The following DEFB109B variants were observed in gnomAD, a reference collection of about 807,000 sequenced individuals.
DEFB109B encodes the protein defensin beta 109B, also known as beta-defensin 109B.
chr8:7,315,741 T>G (rs1802877827), intron 1 of DEFB109B, among the ~76,000 whole-genome samples: 1 of 142,198 alleles, frequency 7.0e-6, no homozygotes, highest in Admixed American at 6.7e-5. Flanking sequence ...ACAAAGCATG[T>G]GTGGATCCGT....
chr8:7,309,881 G>T (rs1308871174), upstream of DEFB109B, among the ~76,000 whole-genome samples: 1 of 90,852 alleles, frequency 1.1e-5, no homozygotes. Flanking sequence ...GTGTAAGAAT[G>T]CGGATCGTCC....
At chr8:7,312,354 AACC>A (rs1244457911), upstream of DEFB109B, among the ~76,000 whole-genome samples, 1 of 138,374 alleles carries the variant, frequency 7.2e-6, no homozygotes, top group Non-Finnish European at 1.5e-5. Flanking sequence ...CAACAACAAC[AACC>A]ACAACAAAGG....
chr8:7,315,462 G>T (rs1321599338), intron 1 of DEFB109B, among the ~76,000 whole-genome samples: 1 of 134,466 alleles, frequency 7.4e-6, no homozygotes, highest in Non-Finnish European at 1.5e-5. Context: ...TCGTGCCATT[G>T]CACTCTAGCC....
Position 7,313,624 on chromosome 8 carries a change from G to T in DEFB109B, n.58+721G>T, listed in dbSNP as rs569213842. Among the ~76,000 whole-genome samples the T allele has an allele frequency of 2.7e-5, 4 of 145,952 alleles. No individual in the cohort carries two copies. The South Asian group carries it at 8.3e-4, about 30-fold the overall frequency. On this transcript the variant is annotated intron_variant and non_coding_transcript_variant, in intron 1 of 1. Coordinates refer to ENST00000382656, the Ensembl canonical transcript of DEFB109B. ...ATATTACAGGTAACCACACAGAAAT[G>T]GGTAACATAACTTTCAATACAAAAA...
upstream of DEFB109B, among the ~76,000 whole-genome samples, chr8:7,310,698 G>A (rs1308658674): frequency 2.2e-3 from 305 of 140,484 alleles, no homozygotes; most frequent in African/African-American, 4.6e-3. Flanking sequence ...TCTTAGGGAT[G>A]GGGTTAAGCT....
At chr8:7,315,572 G>C (rs2128805987) in intron 1 of DEFB109B, among the ~76,000 whole-genome samples, 1 of 133,928 alleles carries the variant, frequency 7.5e-6, no homozygotes, top group Admixed American at 7.0e-5. Context: ...TAAATCATTA[G>C]TGAGTGAATG....
intron 1 of DEFB109B, among the ~76,000 whole-genome samples, chr8:7,313,695 A>G (rs73661355): frequency 0.031 from 4,011 of 131,294 alleles, 567 homozygotes; most frequent in African/African-American, 0.15. Context: ...GGGCTTTTGG[A>G]AAAAAAAAAC....
At chr8:7,309,701 G>C (rs1404306092), upstream of DEFB109B, among the ~76,000 whole-genome samples, 1 of 145,686 alleles carries the variant, frequency 6.9e-6, no homozygotes, top group Non-Finnish European at 1.5e-5. Context: ...TACCCAAGAA[G>C]ATGATCAGGC....
At chr8:7,313,775 G>GA (rs1224439538) in intron 1 of DEFB109B, among the ~76,000 whole-genome samples, 3 of 132,622 alleles carry the variant, frequency 2.3e-5, no homozygotes, top group Non-Finnish European at 4.5e-5. Context: ...AAACAAATGA[G>GA]AAAAAACAGT....
At chr8:7,320,057 A>T (rs988165468), downstream of DEFB109B, 2 of 15,112 alleles carry the variant, frequency 1.3e-4, no homozygotes, top group Admixed American at 1.2e-3. Context: ...TTGCATTTTC[A>T]CTTATCAACA....
At chr8:7,313,624 G>C (rs569213842) in intron 1 of DEFB109B, among the ~76,000 whole-genome samples, 2 of 145,952 alleles carry the variant, frequency 1.4e-5, no homozygotes, top group Middle Eastern at 3.4e-3. Context: ...ACACAGAAAT[G>C]GGTAACATAA....
chr8:7,318,901 A>G (rs1563244280), intron 1 of DEFB109B: 1 of 146,286 alleles, frequency 6.8e-6, no homozygotes, highest in Non-Finnish European at 1.5e-5. Flanking sequence ...TGAAAGAATC[A>G]TTTATAATGT....
chr8:7,313,663 C>A (rs1429982862), intron 1 of DEFB109B, among the ~76,000 whole-genome samples: 1 of 142,878 alleles, frequency 7.0e-6, no homozygotes. Context: ...CTAAAATTTA[C>A]TGGGCTAAGC....
rs1406866403 is a variant in DEFB109B, at chr8:7,316,896, C to A, written n.59-2850C>A. 1.6e-5 allele frequency among the ~76,000 whole-genome samples: 2 copies of A among 127,570 alleles called. 1 individual carries two copies. The highest frequency in any genetic ancestry group is 8.0e-5 in the African/African-American group (2 of 25,020). 83.7% of individuals were successfully genotyped at this position (127,570 alleles called of 152,430 possible). On this transcript the variant is annotated intron_variant and non_coding_transcript_variant, in intron 1 of 1. Coordinates refer to ENST00000382656, the Ensembl canonical transcript of DEFB109B. ...GACCTCGTGATCCACCCGCCTCGGC[C>A]TCCCAAAGTGCTGCAATTACAGGCA...
At chr8:7,309,767 G>A (rs1050331803), upstream of DEFB109B, among the ~76,000 whole-genome samples, 7 of 133,736 alleles carry the variant, frequency 5.2e-5, no homozygotes. Flanking sequence ...AGGCAAGAAA[G>A]ATTAAGCAAC....
rs184697510 is a variant in DEFB109B, at chr8:7,315,358, G to C, written n.58+2455G>C. Reference sequence around the variant, plus strand: ...CTACTAAATACAAAAAATTAGCCGGGTGCGGTGGTACATGCCTTTAGTCCC... The same window carrying C: ...CTACTAAATACAAAAAATTAGCCGGCTGCGGTGGTACATGCCTTTAGTCCC... On this transcript the variant is annotated intron_variant and non_coding_transcript_variant, in intron 1 of 1. Coordinates refer to ENST00000382656, the Ensembl canonical transcript of DEFB109B. 2.1e-3 allele frequency among the ~76,000 whole-genome samples: 297 copies of C among 138,344 alleles called. 61 individuals are homozygous for C. The highest frequency in any genetic ancestry group is 1.0e-2 in the African/African-American group (286 of 28,614). The allele number at this position is 138,344 out of a possible 152,430, so 90.8% of individuals were successfully genotyped here. A position where few individuals can be genotyped will look rare whatever the true frequency, so the allele number is the denominator to read the frequency against.
At chr8:7,315,297 C>G (rs1376929951) in intron 1 of DEFB109B, among the ~76,000 whole-genome samples, 1 of 130,610 alleles carries the variant, frequency 7.7e-6, no homozygotes, top group Non-Finnish European at 1.5e-5. Context: ...GCCGGCAGAT[C>G]ACGAGGTCAG....
At chr8:7,316,846 T>C (rs1217077280) in intron 1 of DEFB109B, among the ~76,000 whole-genome samples, 1 of 130,820 alleles carries the variant, frequency 7.6e-6, no homozygotes, top group Non-Finnish European at 1.5e-5. Context: ...TTTCACCATC[T>C]TGGGCATGCT....
chr8:7,315,356 G>A (rs192508418), intron 1 of DEFB109B, among the ~76,000 whole-genome samples: 1 of 138,424 alleles, frequency 7.2e-6, no homozygotes, highest in Non-Finnish European at 1.5e-5. Context: ...AAAATTAGCC[G>A]GGTGCGGTGG....
Sources: gnomAD v4.1 joint callset for allele counts (sites outside exome capture counted in the v4.1 genomes callset) on GRCh38, gnomAD v4.1.1 for gene constraint, MANE v1.5 for transcripts, NCBI Gene and HGNC (gene_info 2026-07-23, HGNC 2026-07-21) for gene names.